The following IZUMO1R variants were observed in gnomAD, a reference collection of about 807,000 sequenced individuals.
The protein encoded by IZUMO1R is IZUMO1 receptor, JUNO.
Under a neutral mutation model 22.1 loss-of-function variants are expected in IZUMO1R, and 24 were observed. The ratio of observed to expected loss-of-function variants is 1.09; its 90% CI spans 0.79 to 1.53. The LOEUF is 1.53. IZUMO1R is among the 40% of genes most tolerant of loss of function. The pLI is 0.00. For synonymous variants in IZUMO1R, 133 were observed against 121.2 expected (o/e 1.10, Z -0.64); for missense variants, 308 against 314.9 (o/e 0.98, Z 0.17).
At chr11:94,305,837 T>A in intron 2 of IZUMO1R, 63 bp downstream of exon 2, 1 of 1,571,868 alleles carries the variant, frequency 6.4e-7, no homozygotes, top group South Asian at 1.2e-5. Flanking sequence ...AATGCCAAGA[T>A]GGTCTCCGAA....
Position 94,307,291 on chromosome 11 carries a change from T to G in IZUMO1R, c.475T>G (p.Trp159Gly). Residue 159 changes from tryptophan to glycine, a missense_variant, in exon 4 of 5, where the codon TGG (tryptophan) becomes GGG (glycine). Physicochemically the swap from Trp to Gly is radical, Grantham distance 184 (BLOSUM62 -2). Transcript: ENST00000687084. ...CKSNWRGGWD[W>G]SQGKNRCPKG... Reference sequence around the variant, plus strand: ...ATCCAACTGGCGTGGTGGCTGGGACTGGAGTCAGGGTGAGTGGTGCTGACA... The same window carrying G: ...ATCCAACTGGCGTGGTGGCTGGGACGGGAGTCAGGGTGAGTGGTGCTGACA... 2 of 1,612,926 alleles carry G rather than the reference T, an allele frequency of 1.2e-6. No homozygotes were observed. Among genetic ancestry groups the G allele is most frequent in the Non-Finnish European group, 1.7e-6 (2 of 1,179,480 alleles).
chr11:94,305,998 C>T (rs774206826), intron 2 of IZUMO1R, among the ~76,000 whole-genome samples: 9 of 151,364 alleles, frequency 5.9e-5, no homozygotes, highest in Non-Finnish European at 1.0e-4. Context: ...AAGCAGGGAC[C>T]GCTGGTGATC....
In IZUMO1R at chr11:94,304,967, G is replaced by C. The variant is rs539841899; in HGVS notation, c.-7+88G>C. Reference sequence around the variant, plus strand: ...TTCTTTAAAAATATTCAAGGCCATGGCTGAGCTTGAAACTGGTTGTCTGGA... The same window carrying C: ...TTCTTTAAAAATATTCAAGGCCATGCCTGAGCTTGAAACTGGTTGTCTGGA... On this transcript the variant is annotated intron_variant, in intron 1 of 4. Transcript: ENST00000687084. Among the ~76,000 whole-genome samples the C allele has an allele frequency of 1.4e-4, 21 of 152,280 alleles. 1 individual carries two copies. In the Middle Eastern group the frequency reaches 0.01, roughly 74 times the overall value.
In IZUMO1R at chr11:94,307,158, C is replaced by T; in HGVS notation, c.349-7C>T. 2.5e-6 allele frequency: 4 copies of T among 1,589,204 alleles called. No individual in the cohort carries two copies. The highest frequency in any genetic ancestry group is 3.4e-6 in the Non-Finnish European group (4 of 1,167,404). On this transcript the variant is annotated splice_polypyrimidine_tract_variant and splice_region_variant and intron_variant, in intron 3 of 4. Transcript: ENST00000687084. ...ATGTTCTAATCTCTGGCTATGACTG[C>T]ACCCAGGTGGCCCCGAGTGGGCAGG...
At position 94,304,616 on chromosome 11, in the gene IZUMO1R, C is replaced by A. The variant is rs1943996506; in HGVS notation, c.-270C>A. ...GTAAGTAGCAGAGCTGACAGCCGAA[C>A]CCGGTAACTTATTGTAGAGCCCCGG... On this transcript the variant is annotated 5_prime_UTR_variant, in exon 1 of 5. Transcript: ENST00000687084. Among the ~76,000 whole-genome samples the A allele has an allele frequency of 6.6e-6, 1 of 152,144 alleles. No individual in the cohort carries two copies. Among genetic ancestry groups the A allele is most frequent in the East Asian group, 1.9e-4 (1 of 5,188 alleles).
In IZUMO1R at chr11:94,307,640, A is replaced by G. The variant is rs1353568691; in HGVS notation, c.701A>G (p.Glu234Gly). ...RLFASSAPSWELSYTIMVCSL... is the reference protein window; with the variant it reads ...RLFASSAPSWGLSYTIMVCSL... ...TTCGCCAGCTCTGCCCCATCCTGGG[A>G]ACTGTCCTACACCATCATGGTCTGC... The change falls in exon 5 of 5, where the codon GAA becomes GGA. Residue 234 changes from glutamate (E) to glycine (G), a missense_variant. Physicochemically the swap from Glu to Gly is moderately conservative, Grantham distance 98 (BLOSUM62 -2). Transcript: ENST00000687084. 6.2e-7 allele frequency: 1 copy of G among 1,613,782 alleles called. No individual in the cohort carries two copies. Among genetic ancestry groups the G allele is most frequent in the Non-Finnish European group, 8.5e-7 (1 of 1,179,798 alleles).
Position 94,307,555 on chromosome 11 carries a change from T to C in IZUMO1R, c.616T>C (p.Cys206Arg). 1 of 1,613,760 alleles carries C rather than the reference T, an allele frequency of 6.2e-7. No homozygotes were observed. Among genetic ancestry groups the C allele is most frequent in the South Asian group, 1.1e-5 (1 of 91,084 alleles). ...CCCTGAGCGACGGAACAGTGGGCGG[T>C]GTCTCCAGAAGTGGTTTGAGCCTGC... ...ASPERRNSGR[C>R]LQKWFEPAQG... The change falls in exon 5 of 5, where the codon TGT becomes CGT. Residue 206 changes from cysteine to arginine, a missense_variant. Transcript: ENST00000687084.
rs776009800 is a variant in IZUMO1R at position 94,306,699 on chromosome 11, C to T, written c.325C>T (p.Pro109Ser). ...CSPNLGPWIQ[P>S]VGSLGWEVAP... The stretch of plus-strand genomic sequence containing the variant: ...CCCAAACCTGGGGCCCTGGATCCAG[C>T]CAGTGGGAAGCCTGGGGTGGGAGGT... Residue 109 changes from proline (P) to serine (S), a missense_variant, in exon 3 of 5, where the codon CCA becomes TCA. Coordinates refer to ENST00000687084, the MANE Select transcript of IZUMO1R (RefSeq NM_001199206.4). 1 of 1,613,944 alleles carries T rather than the reference C, an allele frequency of 6.2e-7. No homozygotes were observed.
chr11:94,305,590 G>T (rs1463043029), intron 1 of IZUMO1R, 41 bp from the exon 2 acceptor site: 54 of 1,606,324 alleles, frequency 3.4e-5, no homozygotes, highest in Non-Finnish European at 4.6e-5. Flanking sequence ...GTGGAGTGGG[G>T]TGTCATTTCC....
In IZUMO1R at chr11:94,304,649, C is replaced by G. The variant is rs909742516; in HGVS notation, c.-237C>G. Among the ~76,000 whole-genome samples the G allele has an allele frequency of 6.6e-6, 1 of 152,178 alleles. No individual in the cohort carries two copies. Among genetic ancestry groups the G allele is most frequent in the Admixed American group, 6.5e-5 (1 of 15,286 alleles). Reference sequence around the variant, plus strand: ...CTTATTGTAGAGCCCCGGATCTTGCCTACGATGGGGTCTGTTTCTCTGAGG... The same window carrying G: ...CTTATTGTAGAGCCCCGGATCTTGCGTACGATGGGGTCTGTTTCTCTGAGG... On this transcript the variant is annotated 5_prime_UTR_variant, in exon 1 of 5. Coordinates refer to ENST00000687084, the MANE Select transcript of IZUMO1R (RefSeq NM_001199206.4).
intron 2 of IZUMO1R, 90 bp from the exon 3 acceptor site, chr11:94,306,423 G>T: frequency 7.9e-7 from 1 of 1,261,108 alleles, no homozygotes. Flanking sequence ...CCTCCTAAGG[G>T]ACATTTTCAT....
intron 2 of IZUMO1R, 74 bp downstream of exon 2, chr11:94,305,848 C>G: frequency 5.3e-6 from 8 of 1,510,926 alleles, no homozygotes; most frequent in Non-Finnish European, 7.2e-6. Flanking sequence ...GGTCTCCGAA[C>G]CTCATCAACC....
At position 94,307,455 on chromosome 11, in the gene IZUMO1R, C is replaced by T. The variant is rs1944034064; in HGVS notation, c.516C>T (p.Cys172=). 6.2e-7 allele frequency: 1 copy of T among 1,613,932 alleles called. No homozygotes were observed. Among genetic ancestry groups the T allele is most frequent in the African/African-American group, 1.3e-5 (1 of 75,054 alleles). Residue 172 remains cysteine, a synonymous_variant, in exon 5 of 5, where the codon TGC becomes TGT. Transcript: ENST00000687084. ...GKNRCPKGAQ[C]LPFSHYFPTP... is the part of the protein sequence containing the mutation. ...ACCGCTGCCCCAAAGGGGCCCAGTG[C>T]CTCCCTTTCTCCCATTACTTCCCCA...
rs1404888912 is a variant in IZUMO1R, at chr11:94,307,239, A to C, written c.423A>C (p.Glu141Asp). ...AGGAGGACTGTGAGGAGTGGTGGGA[A>C]GACTGTCGCATGTCTTACACATGCA... is the stretch of plus-strand genomic sequence containing the variant. ...LCQEDCEEWWEDCRMSYTCKS... is the reference protein window; with the variant it reads ...LCQEDCEEWWDDCRMSYTCKS... Residue 141 changes from glutamate to aspartate, a missense_variant, in exon 4 of 5, where the codon GAA becomes GAC. Coordinates refer to ENST00000687084, the MANE Select transcript of IZUMO1R (RefSeq NM_001199206.4). 8 of 1,608,896 alleles carry C rather than the reference A, an allele frequency of 5.0e-6. No individual in the cohort carries two copies. The South Asian group carries it at 6.7e-5, about 13-fold the overall frequency.
At chr11:94,307,102 G>A (rs1944029104) in intron 3 of IZUMO1R, 63 bp from the exon 4 acceptor site, 2 of 1,533,346 alleles carry the variant, frequency 1.3e-6, no homozygotes, top group East Asian at 2.4e-5. Context: ...TACCACTGTA[G>A]CTATTAGTAG....
intron 2 of IZUMO1R, 42 bp from the exon 3 acceptor site, chr11:94,306,471 G>C: frequency 6.3e-7 from 1 of 1,576,962 alleles, no homozygotes; most frequent in East Asian, 2.2e-5. Flanking sequence ...GCCGATCCTT[G>C]CCCCTTTTGC....
intron 2 of IZUMO1R, 25 bp downstream of exon 2, chr11:94,305,799 G>A: frequency 1.2e-6 from 2 of 1,610,930 alleles, no homozygotes; most frequent in Non-Finnish European, 1.7e-6. Context: ...CCTGGGTATG[G>A]GATGGGGAAG....
intron 1 of IZUMO1R, 67 bp from the exon 2 acceptor site, chr11:94,305,564 T>C: frequency 6.4e-7 from 1 of 1,571,278 alleles, no homozygotes. Context: ...TCCCAGTGCC[T>C]GCTATGATGA....
intron 2 of IZUMO1R, among the ~76,000 whole-genome samples, chr11:94,306,019 A>C (rs568124466): frequency 2.6e-5 from 4 of 151,836 alleles, no homozygotes; most frequent in Non-Finnish European, 4.4e-5. Context: ...CCAGAGATCC[A>C]TTGTTGACTC....
Sources: allele counts gnomAD v4.1 joint callset (sites outside exome capture counted in the v4.1 genomes callset), GRCh38; gene constraint gnomAD v4.1.1; transcripts MANE v1.5; gene names NCBI Gene and HGNC (gene_info 2026-07-23, HGNC 2026-07-21).